The following FANCI variants were observed in gnomAD, a reference collection of about 807,000 sequenced individuals.
FANCI encodes the protein FA complementation group I, also known as Fanconi anemia group I protein.
Under a neutral mutation model 176.1 loss-of-function variants are expected in FANCI, and 156 were observed. That is an observed-to-expected ratio of 0.89 (90% CI 0.78 to 1.01). FANCI has a LOEUF of 1.01. FANCI is among the 50% of genes least tolerant of loss of function. The pLI is 0.00. For synonymous variants in FANCI, 613 were observed against 541.7 expected (o/e 1.13, Z -1.83); for missense variants, 1,678 against 1,534.1 (o/e 1.09, Z -1.57).
In FANCI at chr15:89,291,628, G is replaced by C. The variant is rs751777082; in HGVS notation, c.1906G>C (p.Glu636Gln). The C allele has an allele frequency of 6.2e-7, 1 of 1,613,618 alleles. No homozygotes were observed. Among genetic ancestry groups the C allele is most frequent in the Non-Finnish European group, 8.5e-7 (1 of 1,179,750 alleles). ...CTATACACAGTTAAAACAGTTCTAT[G>C]AGCCAAAACCTGATCTGCTGCCTCC... is the stretch of plus-strand genomic sequence containing the variant. ...TLLSQLKQFY[E>Q]PKPDLLPPLK... Residue 636 changes from glutamate (E) to glutamine (Q), a missense_variant, in exon 20 of 38, where the codon GAG becomes CAG. By Grantham distance (29) the Glu-to-Gln change is conservative (BLOSUM62 2). Around this residue, in one of 3 missense-constraint regions of FANCI, gnomAD observed 1,204 missense variants for 1,077.4 expected, o/e 1.12. Coordinates refer to ENST00000310775, the MANE Select transcript of FANCI (RefSeq NM_001113378.2).
At chr15:89,283,346 A>G in intron 17 of FANCI, 96 bp downstream of exon 17, 2 of 1,572,526 alleles carry the variant, frequency 1.3e-6, no homozygotes, top group Non-Finnish European at 1.7e-6. Flanking sequence ...TATGGTTGTA[A>G]GAATGATCCT....
intron 1 of FANCI, chr15:89,245,457 A>C (rs1172107967): frequency 6.8e-6 from 1 of 145,986 alleles, no homozygotes; most frequent in Non-Finnish European, 1.5e-5. Flanking sequence ...TTGGCCTCCC[A>C]AAGTGCTGAG....
rs752615575 is a variant in FANCI, at chr15:89,258,825, G to A, written c.157+49G>A. On this transcript the variant is annotated intron_variant, in intron 3 of 37. Coordinates refer to ENST00000310775, the MANE Select transcript of FANCI (RefSeq NM_001113378.2). ...TGTCTGTCTCCTGCATTCATTGGTA[G>A]ATTTGTTTAGTTTTCGTACTTTTCT... is the stretch of plus-strand genomic sequence containing the variant. 2.2e-6 allele frequency: 3 copies of A among 1,374,342 alleles called. No individual in the cohort carries two copies. The South Asian group carries it at 3.5e-5, about 16-fold the overall frequency. The allele number at this position is 1,374,342 out of a possible 1,614,324, so 85.1% of individuals were successfully genotyped here. A position where few individuals can be genotyped will look rare whatever the true frequency, so the allele number is the denominator to read the frequency against.
chr15:89,290,616 A>G (rs562194337), intron 19 of FANCI: 13 of 261,188 alleles, frequency 5.0e-5, no homozygotes, highest in Non-Finnish European at 9.0e-5. Flanking sequence ...CAAAACAAAT[A>G]TAGCAAAATA....
intron 13 of FANCI, among the ~76,000 whole-genome samples, chr15:89,277,611 CAAAAAA>C (rs554395033): frequency 6.1e-5 from 3 of 48,950 alleles, no homozygotes; most frequent in Admixed American, 4.5e-4. Flanking sequence ...GATCCTATCT[CAAAAAA>C]AAAAAAAAAA....
At chr15:89,302,659 C>T (rs920290131) in intron 27 of FANCI, among the ~76,000 whole-genome samples, 4 of 151,782 alleles carry the variant, frequency 2.6e-5, no homozygotes, top group Non-Finnish European at 4.4e-5. Flanking sequence ...CTGCAGGCGC[C>T]GCCTTCCGGG....
rs555452670 is a variant in FANCI at position 89,248,972 on chromosome 15, C to G, written c.84+1241C>G. Among the ~76,000 whole-genome samples, 3 of 152,218 alleles carry G rather than the reference C, an allele frequency of 2.0e-5. No individual in the cohort carries two copies. In the East Asian group the frequency reaches 5.8e-4, roughly 29 times the overall value. On this transcript the variant is annotated intron_variant, in intron 2 of 37. Coordinates refer to ENST00000310775, the MANE Select transcript of FANCI (RefSeq NM_001113378.2). ...GGAGGATTCCTTTAGGCCAGGAGTT[C>G]GAGATCAGCTTAGGCAACATAGTGA...
chr15:89,305,430 A>G (rs1170200930), intron 30 of FANCI, 21 bp downstream of exon 30: 2 of 1,613,188 alleles, frequency 1.2e-6, no homozygotes, highest in East Asian at 2.2e-5. Context: ...TACCTGAGCC[A>G]TGGGGAATAG....
chr15:89,272,300 GTCT>G (rs2053230410), intron 10 of FANCI, among the ~76,000 whole-genome samples: 1 of 152,036 alleles, frequency 6.6e-6, no homozygotes, highest in Non-Finnish European at 1.5e-5. Flanking sequence ...TGTGTTGTTT[GTCT>G]TCTTAATTAA....
At chr15:89,268,194 A>G (rs766558871) in intron 9 of FANCI, among the ~76,000 whole-genome samples, 4 of 152,156 alleles carry the variant, frequency 2.6e-5, no homozygotes, top group Non-Finnish European at 5.9e-5. Flanking sequence ...TTCCGGGCTG[A>G]AGCAATCCTC....
At chr15:89,267,818 T>C (rs978874764) in intron 9 of FANCI, among the ~76,000 whole-genome samples, 2 of 152,124 alleles carry the variant, frequency 1.3e-5, no homozygotes, top group Admixed American at 6.6e-5. Flanking sequence ...TCCCAGCTAC[T>C]CAGGAGGCTG....
Position 89,316,754 on chromosome 15 carries a change from T to C in FANCI, c.*295T>C, listed in dbSNP as rs764634689. On this transcript the variant is annotated 3_prime_UTR_variant, in exon 38 of 38. Coordinates refer to ENST00000310775, the MANE Select transcript of FANCI (RefSeq NM_001113378.2). Reference sequence around the variant, plus strand: ...AATACAGAGCCTCCAGGCAGTGCTATGGTCCAGGCTGGCTTCGTTTTTCCA... The same window carrying C: ...AATACAGAGCCTCCAGGCAGTGCTACGGTCCAGGCTGGCTTCGTTTTTCCA... 8 of 1,611,754 alleles carry C rather than the reference T, an allele frequency of 5.0e-6. No individual in the cohort carries two copies. The highest frequency in any genetic ancestry group is 2.2e-5 in the East Asian group (1 of 44,890).
intron 4 of FANCI, 23 bp downstream of exon 4, chr15:89,260,866 T>C: frequency 6.2e-7 from 1 of 1,612,646 alleles, no homozygotes; most frequent in Non-Finnish European, 8.5e-7. Flanking sequence ...ACAAAAACTT[T>C]TATTTGGGGG....
chr15:89,277,367 A>G (rs1219301308), intron 13 of FANCI, among the ~76,000 whole-genome samples: 1 of 152,086 alleles, frequency 6.6e-6, no homozygotes, highest in African/African-American at 2.4e-5. Context: ...TATAATCCCA[A>G]CACTTTGGGA....
Position 89,245,012 on chromosome 15 carries a change from T to C in FANCI, c.-20+979T>C, listed in dbSNP as rs1245503915. On this transcript the variant is annotated intron_variant, in intron 1 of 37. Coordinates refer to ENST00000310775, the MANE Select transcript of FANCI (RefSeq NM_001113378.2). ...CAAAACCAGCTACGGCCCGTGTCCT[T>C]AGGGGACTTATAGTCTAGTGGGAGA... Among the ~76,000 whole-genome samples, 6 of 152,266 alleles carry C rather than the reference T, an allele frequency of 3.9e-5. No homozygotes were observed. The East Asian group carries it at 9.6e-4, about 24-fold the overall frequency.
At chr15:89,269,485 T>A (rs28763756) in intron 10 of FANCI, among the ~76,000 whole-genome samples, 3 of 152,208 alleles carry the variant, frequency 2.0e-5, no homozygotes, top group Non-Finnish European at 2.9e-5. Context: ...TTTAGACTGA[T>A]TTTTTTGAAG....
At chr15:89,258,860 A>T (rs1224312409) in intron 3 of FANCI, 84 bp downstream of exon 3, 8 of 1,009,564 alleles carry the variant, frequency 7.9e-6, no homozygotes, top group Non-Finnish European at 1.3e-5. Context: ...TTACGGTTTG[A>T]AGCCCCACTG....
intron 28 of FANCI, 151 bp downstream of exon 28, chr15:89,304,066 C>A: frequency 1.3e-6 from 1 of 755,632 alleles, no homozygotes; most frequent in Non-Finnish European, 2.3e-6. Flanking sequence ...GAATTGTTGG[C>A]AAGAATGTAG....
chr15:89,247,727 G>C lies in FANCI; in HGVS notation c.80G>C (p.Gly27Ala). 1.2e-6 allele frequency: 2 copies of C among 1,613,478 alleles called. No individual in the cohort carries two copies. Among genetic ancestry groups the C allele is most frequent in the South Asian group, 1.1e-5 (1 of 91,070 alleles). Reference sequence around the variant, plus strand: ...GAATTTCTTCAAACCCTGAGAGAAGGTGATGTGAGTATTAGGAAGCATGTT... The same window carrying C: ...GAATTTCTTCAAACCCTGAGAGAAGCTGATGTGAGTATTAGGAAGCATGTT... ...LQEFLQTLRE[G>A]DLTNLLQNQA... The change falls in exon 2 of 38, where the codon GGT (glycine) becomes GCT (alanine). Residue 27 changes from glycine (G) to alanine (A), a missense_variant. Transcript: ENST00000310775.
Sources: allele counts gnomAD v4.1 joint callset (sites outside exome capture counted in the v4.1 genomes callset), GRCh38; gene constraint gnomAD v4.1.1; regional missense constraint gnomAD v4.1.1; transcripts MANE v1.5; gene names NCBI Gene and HGNC (gene_info 2026-07-23, HGNC 2026-07-21).